TASP1: variants seen among roughly 807,000 people sequenced by gnomAD.
The protein encoded by TASP1 is taspase 1.
A neutral mutation model predicts 56.6 loss-of-function variants in TASP1; 16 were observed. The ratio of observed to expected loss-of-function variants is 0.28; its 90% CI spans 0.19 to 0.43. The LOEUF (loss-of-function observed/expected upper bound fraction) is 0.43, where lower values mean the gene tolerates loss of function less well. TASP1 is among the 20% of genes least tolerant of loss of function. TASP1 has a pLI of 1.00. For missense variants in TASP1, 393 were observed against 511.6 expected, an observed-to-expected ratio of 0.77 and a Z score of 2.24; for synonymous variants, 179 against 184.2, an observed-to-expected ratio of 0.97 and a Z score of 0.23.
chr20:13,221,722 A>ACCGCCG, the TASP1 span: 13 of 1,313,260 alleles, frequency 9.9e-6, no homozygotes, highest in Middle Eastern at 2.8e-4. Context: ...CCCCGGCGTC[A>ACCGCCG]CCGCCGCCGC....
At chr20:13,251,430 C>T in the TASP1 span, among the ~76,000 whole-genome samples, 1 of 152,144 alleles carries the variant, frequency 6.6e-6, no homozygotes, top group African/African-American at 2.4e-5. Context: ...ATCAAACATG[C>T]GTCGTGGAAT....
chr20:13,121,296 CA>C, the TASP1 span, among the ~76,000 whole-genome samples: 2 of 152,128 alleles, frequency 1.3e-5, no homozygotes, highest in Non-Finnish European at 2.9e-5. Flanking sequence ...ACAGGGCAGA[CA>C]AATTTGGGGT....
At chr20:13,490,859 T>C (rs538565840) in intron 10 of TASP1, among the ~76,000 whole-genome samples, 65 of 152,182 alleles carry the variant, frequency 4.3e-4, no homozygotes, top group African/African-American at 1.4e-3. Context: ...CAGGGTTGTT[T>C]TGAGGACAAA....
chr20:13,120,680 G>A, the TASP1 span, among the ~76,000 whole-genome samples: 1 of 152,092 alleles, frequency 6.6e-6, no homozygotes, highest in African/African-American at 2.4e-5. Context: ...TGAAAACAAG[G>A]AGAAAAAAAT....
At chr20:13,194,832 T>C in the TASP1 span, among the ~76,000 whole-genome samples, 2 of 152,208 alleles carry the variant, frequency 1.3e-5, no homozygotes, top group African/African-American at 4.8e-5. Flanking sequence ...CTGGAATCAA[T>C]CACTGTGACA....
the TASP1 span, among the ~76,000 whole-genome samples, chr20:13,138,514 T>G: frequency 6.6e-5 from 10 of 152,332 alleles, no homozygotes; most frequent in African/African-American, 1.7e-4. Flanking sequence ...TAGGTAGTGA[T>G]TAGTTATTTA....
At chr20:13,377,801 G>A in the TASP1 span, among the ~76,000 whole-genome samples, 28 of 152,034 alleles carry the variant, frequency 1.8e-4, no homozygotes. Flanking sequence ...TGTAGTCTTG[G>A]GAGGGTGTAT....
chr20:13,475,725 T>C (rs186098684), intron 11 of TASP1, among the ~76,000 whole-genome samples: 1 of 152,130 alleles, frequency 6.6e-6, no homozygotes, highest in East Asian at 1.9e-4. Flanking sequence ...TGAAACCCCA[T>C]CTCTACCAAA....
At chr20:13,463,751 C>A (rs2044146174) in intron 11 of TASP1, among the ~76,000 whole-genome samples, 1 of 152,064 alleles carries the variant, frequency 6.6e-6, no homozygotes, top group Non-Finnish European at 1.5e-5. Flanking sequence ...TGAAAAGATG[C>A]TTAATGTCAC....
the TASP1 span, among the ~76,000 whole-genome samples, chr20:13,325,806 A>C: frequency 6.6e-6 from 1 of 152,326 alleles, no homozygotes; most frequent in South Asian, 2.1e-4. Context: ...AAAATTTTTC[A>C]AGTATAATAT....
the TASP1 span, chr20:13,300,384 A>T: frequency 6.6e-6 from 1 of 152,190 alleles, no homozygotes; most frequent in Admixed American, 6.5e-5. Flanking sequence ...TTTTTCATCT[A>T]CCAATATATC....
the TASP1 span, among the ~76,000 whole-genome samples, chr20:13,204,329 A>T: frequency 6.6e-6 from 1 of 152,032 alleles, no homozygotes; most frequent in Non-Finnish European, 1.5e-5. Flanking sequence ...TTACATCTAG[A>T]GCTCACAATT....
chr20:13,477,794 A>G (rs1413134184), intron 11 of TASP1, among the ~76,000 whole-genome samples: 1 of 152,170 alleles, frequency 6.6e-6, no homozygotes, highest in Non-Finnish European at 1.5e-5. Context: ...TACAGTACCC[A>G]TTTTTATGAG....
intron 6 of TASP1, among the ~76,000 whole-genome samples, chr20:13,570,212 T>C (rs1164542000): frequency 6.6e-6 from 1 of 152,086 alleles, no homozygotes; most frequent in Non-Finnish European, 1.5e-5. Context: ...TAGCTAAATA[T>C]AAAAGACTTG....
At chr20:13,107,616 A>C in the TASP1 span, among the ~76,000 whole-genome samples, 1 of 152,212 alleles carries the variant, frequency 6.6e-6, no homozygotes, top group African/African-American at 2.4e-5. Context: ...AAAGAAAAGG[A>C]AAGTGGCATG....
At chr20:13,122,418 G>C in the TASP1 span, among the ~76,000 whole-genome samples, 1 of 152,116 alleles carries the variant, frequency 6.6e-6, no homozygotes, top group Non-Finnish European at 1.5e-5. Flanking sequence ...GTGGAATTGG[G>C]GTCTGTGTTC....
chr20:13,156,055 CACAT>C, the TASP1 span, among the ~76,000 whole-genome samples: 1 of 152,158 alleles, frequency 6.6e-6, no homozygotes, highest in East Asian at 1.9e-4. Context: ...TTTTTGAAGA[CACAT>C]ACAAACACAC....
chr20:13,280,138 T>C, the TASP1 span, among the ~76,000 whole-genome samples: 6 of 152,172 alleles, frequency 3.9e-5, no homozygotes, highest in Non-Finnish European at 5.9e-5. Flanking sequence ...GAAGAGATAA[T>C]TTTTTTAGGA....
the TASP1 span, among the ~76,000 whole-genome samples, chr20:13,133,282 G>T: frequency 6.6e-6 from 1 of 152,062 alleles, no homozygotes; most frequent in African/African-American, 2.4e-5. Context: ...AGAGATTTCT[G>T]CATGACATGC....
Sources: allele counts gnomAD v4.1 joint callset (sites outside exome capture counted in the v4.1 genomes callset), GRCh38; gene constraint gnomAD v4.1.1; transcripts MANE v1.5; gene names NCBI Gene and HGNC (gene_info 2026-07-23, HGNC 2026-07-21).